Variants in GLIS2 observed in about 807,000 individuals in gnomAD.
GLIS2 encodes the protein zinc finger protein GLIS2.
A neutral mutation model predicts 35.6 loss-of-function variants in GLIS2; 14 were observed. That is an observed-to-expected ratio of 0.39 (90% CI 0.26 to 0.61). The LOEUF (loss-of-function observed/expected upper bound fraction) is 0.61, where lower values mean the gene tolerates loss of function less well. GLIS2 is among the 20% of genes least tolerant of loss of function. The probability of loss-of-function intolerance (pLI) is 0.48; values close to 1 mark genes in which losing one functional copy is unlikely to be tolerated. For synonymous variants in GLIS2, 368 were observed against 325.1 expected (o/e 1.13, Z -1.42); for missense variants, 675 against 713.4 (o/e 0.95, Z 0.61).
intron 1 of GLIS2, among the ~76,000 whole-genome samples, chr16:4,323,864 C>T (rs1220006771): frequency 8.5e-5 from 13 of 152,184 alleles, no homozygotes; most frequent in Non-Finnish European, 1.8e-4. Flanking sequence ...TGCAAGATGC[C>T]CTGAGTCCCA....
In GLIS2 at chr16:4,338,704, C is replaced by G. The variant is rs1274974004; in HGVS notation, c.*1180C>G. The stretch of plus-strand genomic sequence containing the variant: ...TGGGCCGCTTTCTCAGAGGCACTTC[C>G]CCACCCCTAACACCCAGTGGGCCCC... On this transcript the variant is annotated 3_prime_UTR_variant, in exon 7 of 7. Transcript: ENST00000433375. The G allele has an allele frequency of 6.5e-6, 1 of 153,488 alleles. No homozygotes were observed. The highest frequency in any genetic ancestry group is 1.9e-4 in the East Asian group (1 of 5,230). The allele number at this position is 153,488 out of a possible 1,614,324, so 9.5% of individuals were successfully genotyped here.
rs565825084 is a variant in GLIS2 at position 4,329,615 on chromosome 16, G to A, written c.-66-2600G>A. ...TTGGAGAGTCAGGGCAGAAGGGGAG[G>A]ACGTGGGAGCTGCCTTCCTGTCCTG... On this transcript the variant is annotated intron_variant, in intron 1 of 6. Coordinates refer to ENST00000433375, the MANE Select transcript of GLIS2 (RefSeq NM_032575.3). Among the ~76,000 whole-genome samples the A allele has an allele frequency of 9.2e-5, 14 of 152,308 alleles. No individual in the cohort carries two copies. The South Asian group carries it at 2.5e-3, about 27-fold the overall frequency.
chr16:4,314,813 A>G (rs1182910799), upstream of GLIS2: 1 of 152,240 alleles, frequency 6.6e-6, no homozygotes, highest in Non-Finnish European at 1.5e-5. Context: ...TTCGTCTCCT[A>G]GGCTCCTCAA....
intron 6 of GLIS2, 25 bp from the exon 7 acceptor site, chr16:4,336,700 G>GGCACT: frequency 6.4e-7 from 1 of 1,573,678 alleles, no homozygotes; most frequent in Non-Finnish European, 8.6e-7. Context: ...CCCTCATGGC[G>GGCACT]GCACTGCACT....
At chr16:4,316,303 G>GA (rs1454540160) in intron 1 of GLIS2, among the ~76,000 whole-genome samples, 49 bp downstream of exon 1, 1 of 143,812 alleles carries the variant, frequency 7.0e-6, no homozygotes, top group African/African-American at 2.5e-5. Context: ...CCGGGGCGGG[G>GA]GGGGGGGGGC....
chr16:4,329,019 C>T (rs1236308658), intron 1 of GLIS2: 1 of 152,230 alleles, frequency 6.6e-6, no homozygotes, highest in African/African-American at 2.4e-5. Flanking sequence ...GGCCTGTGGC[C>T]CCAGGCCAGC....
At chr16:4,319,135 T>C (rs570955724) in intron 1 of GLIS2, among the ~76,000 whole-genome samples, 165 of 152,278 alleles carry the variant, frequency 1.1e-3, no homozygotes, top group African/African-American at 3.9e-3. Context: ...GGCCCTGTGC[T>C]GGGTGGAATT....
At chr16:4,333,906 A>G (rs1402656313) in intron 3 of GLIS2, among the ~76,000 whole-genome samples, 1 of 152,136 alleles carries the variant, frequency 6.6e-6, no homozygotes, top group African/African-American at 2.4e-5. Flanking sequence ...TGAGCCCAGG[A>G]GTTCAAAACT....
intron 3 of GLIS2, 23 bp downstream of exon 3, chr16:4,333,542 G>T (rs2053519612): frequency 6.3e-7 from 1 of 1,598,750 alleles, no homozygotes. Flanking sequence ...GAGAGTTCCG[G>T]AGAGAGGGGT....
In GLIS2 at chr16:4,316,097, G is replaced by A. The variant is rs1203920623; in HGVS notation, c.-224G>A. Among the ~76,000 whole-genome samples the A allele has an allele frequency of 6.9e-6, 1 of 144,662 alleles. No homozygotes were observed. The highest frequency in any genetic ancestry group is 1.5e-5 in the Non-Finnish European group (1 of 65,066). 94.9% of individuals were successfully genotyped at this position (144,662 alleles called of 152,430 possible). On this transcript the variant is annotated 5_prime_UTR_variant, in exon 1 of 7. Transcript: ENST00000433375. Reference sequence around the variant, plus strand: ...CCCTGCCCGAGCTGCAGATGTGGCGGAGCGGCCGGGCGCCGGGCGGCCGTG... The same window carrying A: ...CCCTGCCCGAGCTGCAGATGTGGCGAAGCGGCCGGGCGCCGGGCGGCCGTG...
chr16:4,337,337 C>A lies in GLIS2; in HGVS notation c.1388C>A (p.Thr463Lys). 1.9e-6 allele frequency: 3 copies of A among 1,586,564 alleles called. No individual in the cohort carries two copies. Among genetic ancestry groups the A allele is most frequent in the Non-Finnish European group, 2.6e-6 (3 of 1,168,192 alleles). The change falls in exon 7 of 7, where the codon ACG becomes AAG. Residue 463 changes from threonine (T) to lysine (K), a missense_variant. Around this residue, in one of 3 missense-constraint regions of GLIS2, gnomAD observed 317 missense variants for 283.2 expected, o/e 1.12. Coordinates refer to ENST00000433375, the MANE Select transcript of GLIS2 (RefSeq NM_032575.3). Reference sequence around the variant, plus strand: ...GCCCTGGGCATGGAGGGCCACAAGACGCCCCTTGAAAGGACGGAGAGCAGC... The same window carrying A: ...GCCCTGGGCATGGAGGGCCACAAGAAGCCCCTTGAAAGGACGGAGAGCAGC... Reference protein sequence around the residue: ...TRALGMEGHKTPLERTESSCS... With the variant: ...TRALGMEGHKKPLERTESSCS...
upstream of GLIS2, among the ~76,000 whole-genome samples, chr16:4,315,879 G>T (rs1403737385): frequency 1.3e-5 from 2 of 149,568 alleles, no homozygotes; most frequent in African/African-American, 4.9e-5. Flanking sequence ...GGCCGCAGCG[G>T]TGAGAGGGGT....
intron 1 of GLIS2, among the ~76,000 whole-genome samples, chr16:4,324,970 C>T (rs1050717270): frequency 1.3e-5 from 2 of 152,230 alleles, no homozygotes; most frequent in Non-Finnish European, 2.9e-5. Flanking sequence ...AGGCCCTGCC[C>T]CTGCCCGCCA....
Position 4,337,532 on chromosome 16 carries a change from C to T in GLIS2, c.*8C>T. 1.3e-6 allele frequency: 2 copies of T among 1,551,792 alleles called. No homozygotes were observed. Among genetic ancestry groups the T allele is most frequent in the Non-Finnish European group, 8.7e-7 (1 of 1,154,104 alleles). On this transcript the variant is annotated 3_prime_UTR_variant, in exon 7 of 7. Coordinates refer to ENST00000433375, the MANE Select transcript of GLIS2 (RefSeq NM_032575.3). ...CCGGCTGTGGTGAACTGAGCCCATC[C>T]TGCGGACAGTTGTGGTGCCCCCCCG...
intron 1 of GLIS2, among the ~76,000 whole-genome samples, chr16:4,322,621 GCC>G (rs5815203): frequency 6.7e-6 from 1 of 148,544 alleles, no homozygotes; most frequent in African/African-American, 2.5e-5. Context: ...TGCAGGAGCA[GCC>G]CCCCCCCTAC....
intron 1 of GLIS2, among the ~76,000 whole-genome samples, chr16:4,317,714 C>G (rs939447264): frequency 7.2e-5 from 11 of 152,110 alleles, no homozygotes; most frequent in Non-Finnish European, 1.6e-4. Context: ...TGCCAAGCTC[C>G]AGCCTGGCCC....
rs953526179 is a variant in GLIS2, at chr16:4,337,969, G to A, written c.*445G>A. On this transcript the variant is annotated 3_prime_UTR_variant, in exon 7 of 7. Transcript: ENST00000433375. ...TCCTGAGAGGAGCCCCCAGGGACCA[G>A]AGGCCTGCCCTTCCCTCCTAGGCTT... is the stretch of plus-strand genomic sequence containing the variant. The A allele has an allele frequency of 3.2e-6, 1 of 309,998 alleles. No homozygotes were observed. The highest frequency in any genetic ancestry group is 4.6e-5 in the Admixed American group (1 of 21,904). The allele number at this position is 309,998 out of a possible 1,614,324, so 19.2% of individuals were successfully genotyped here.
intron 1 of GLIS2, among the ~76,000 whole-genome samples, chr16:4,323,020 G>A (rs560604564): frequency 6.6e-6 from 1 of 152,362 alleles, no homozygotes; most frequent in East Asian, 1.9e-4. Context: ...GGGGCAAGGG[G>A]TTACTGTGAT....
At position 4,337,785 on chromosome 16, in the gene GLIS2, A is replaced by T. The variant is rs1181598349; in HGVS notation, c.*261A>T. 1.7e-6 allele frequency: 1 copy of T among 592,792 alleles called. No homozygotes were observed. The highest frequency in any genetic ancestry group is 2.8e-5 in the East Asian group (1 of 35,246). The allele number at this position is 592,792 out of a possible 1,614,324, so 36.7% of individuals were successfully genotyped here. ...GTCTGTCCCCCACCACCTGGCCCTC[A>T]GCTTCTGAGAGGCTTTCCCCTGCCC... On this transcript the variant is annotated 3_prime_UTR_variant, in exon 7 of 7. Transcript: ENST00000433375.
Sources: allele counts gnomAD v4.1 joint callset (sites outside exome capture counted in the v4.1 genomes callset), GRCh38; gene constraint gnomAD v4.1.1; regional missense constraint gnomAD v4.1.1; transcripts MANE v1.5; gene names NCBI Gene and HGNC (gene_info 2026-07-23, HGNC 2026-07-21).